MOB1B: variants seen among roughly 807,000 people sequenced by gnomAD.
MOB1B encodes the protein MOB1 Mps One Binder homolog B.
A neutral mutation model predicts 24.4 loss-of-function variants in MOB1B; 19 were observed. The ratio of observed to expected loss-of-function variants is 0.78; its 90% CI spans 0.54 to 1.14. MOB1B has a LOEUF of 1.14. Among genes scored for constraint, MOB1B ranks in the 50% most tolerant of loss-of-function variants. MOB1B has a pLI of 0.00. For synonymous variants in MOB1B, 76 were observed against 82.1 expected (o/e 0.93, Z 0.40); for missense variants, 243 against 259.6 (o/e 0.94, Z 0.44).
At chr4:70,981,862 TC>T (rs1433302072) in intron 5 of MOB1B, 117 bp from the exon 6 acceptor site, 18 of 665,692 alleles carry the variant, frequency 2.7e-5, no homozygotes, top group Non-Finnish European at 4.1e-5. Flanking sequence ...AAAAAAATAA[TC>T]TACTTTTATG....
chr4:70,974,444 G>T (rs928718044), intron 3 of MOB1B, among the ~76,000 whole-genome samples: 17 of 152,038 alleles, frequency 1.1e-4, no homozygotes, highest in African/African-American at 4.1e-4. Context: ...CTTCACTCTT[G>T]AGTCTGCGTT....
At chr4:70,976,949 C>T (rs555195178) in intron 4 of MOB1B, among the ~76,000 whole-genome samples, 7 of 151,906 alleles carry the variant, frequency 4.6e-5, no homozygotes, top group Non-Finnish European at 8.8e-5. Flanking sequence ...GATTCTTAGT[C>T]GTTAACATCT....
intron 1 of MOB1B, among the ~76,000 whole-genome samples, chr4:70,943,965 CAG>C (rs1293907026): frequency 1.3e-5 from 2 of 151,722 alleles, no homozygotes; most frequent in African/African-American, 2.4e-5. Context: ...TGAAAAAACA[CAG>C]ATCACAATTT....
At chr4:70,938,469 T>G (rs1382987427) in intron 1 of MOB1B, among the ~76,000 whole-genome samples, 1 of 152,058 alleles carries the variant, frequency 6.6e-6, no homozygotes, top group Non-Finnish European at 1.5e-5. Flanking sequence ...GTGTTAAGTA[T>G]GGTAAACTTG....
At chr4:70,960,192 A>G (rs1456481051) in intron 2 of MOB1B, among the ~76,000 whole-genome samples, 1 of 152,054 alleles carries the variant, frequency 6.6e-6, no homozygotes, top group Non-Finnish European at 1.5e-5. Flanking sequence ...AGTTGTGCTT[A>G]TTTTTTAAAA....
intron 2 of MOB1B, among the ~76,000 whole-genome samples, chr4:70,963,187 A>T (rs1738372628): frequency 6.6e-6 from 1 of 152,124 alleles, no homozygotes; most frequent in Admixed American, 6.5e-5. Context: ...GCAACATAGC[A>T]AGACCCTGTC....
chr4:70,975,129 G>A, intron 3 of MOB1B, 24 bp from the exon 4 acceptor site: 2 of 1,571,744 alleles, frequency 1.3e-6, no homozygotes, highest in Non-Finnish European at 1.7e-6. Flanking sequence ...AATCTTCTGT[G>A]TGCTTTTTAT....
chr4:70,950,609 A>C (rs1458638190), intron 1 of MOB1B: 1 of 563,336 alleles, frequency 1.8e-6, no homozygotes, highest in African/African-American at 1.9e-5. Flanking sequence ...TACTAGGATT[A>C]AATGAGATAT....
At chr4:70,942,684 T>C (rs1737398759) in intron 1 of MOB1B, 1 of 160,090 alleles carries the variant, frequency 6.2e-6, no homozygotes, top group African/African-American at 2.4e-5. Context: ...CATAGACATT[T>C]AAAGAGAAAC....
chr4:70,943,834 G>C (rs893029340), intron 1 of MOB1B, among the ~76,000 whole-genome samples: 1 of 151,838 alleles, frequency 6.6e-6, no homozygotes, highest in Non-Finnish European at 1.5e-5. Flanking sequence ...AGTGGGTAGA[G>C]ATCTAGATTT....
chr4:70,948,056 G>A (rs1737657353), intron 1 of MOB1B, among the ~76,000 whole-genome samples: 1 of 152,144 alleles, frequency 6.6e-6, no homozygotes, highest in Non-Finnish European at 1.5e-5. Flanking sequence ...ATAGTATTGT[G>A]TTGTAGTTTT....
At chr4:70,916,878 A>G (rs1176876512) in intron 1 of MOB1B, among the ~76,000 whole-genome samples, 1 of 152,108 alleles carries the variant, frequency 6.6e-6, no homozygotes, top group African/African-American at 2.4e-5. Flanking sequence ...CTACCACTGA[A>G]TTTCTATAAT....
intron 1 of MOB1B, among the ~76,000 whole-genome samples, chr4:70,924,939 C>T (rs920435440): frequency 3.3e-5 from 5 of 152,174 alleles, no homozygotes; most frequent in African/African-American, 1.2e-4. Context: ...AATTATATTT[C>T]TAATTATAGT....
intron 1 of MOB1B, among the ~76,000 whole-genome samples, chr4:70,934,384 C>T (rs934778099): frequency 6.6e-6 from 1 of 152,056 alleles, no homozygotes; most frequent in Non-Finnish European, 1.5e-5. Context: ...CTGTGCCCGG[C>T]CCCATTCTGC....
At chr4:70,938,125 CTT>C (rs1737159597) in intron 1 of MOB1B, among the ~76,000 whole-genome samples, 1 of 151,706 alleles carries the variant, frequency 6.6e-6, no homozygotes, top group Admixed American at 6.6e-5. Context: ...TCTGGTAACT[CTT>C]TTGCTTTCTG....
Position 70,964,727 on chromosome 4 carries a change from C to T in MOB1B, c.182-5204C>T, listed in dbSNP as rs572614424. Among the ~76,000 whole-genome samples, 75 of 151,936 alleles carry T rather than the reference C, an allele frequency of 4.9e-4. 1 individual carries two copies. Among genetic ancestry groups the T allele is most frequent in the African/African-American group, 3.6e-4 (15 of 41,422 alleles). On this transcript the variant is annotated intron_variant, in intron 2 of 5. Transcript: ENST00000309395. ...GGTGGATCACCTGAGGTCAGAAGTT[C>T]GGGACCAGCCTGGCCAACATGGCGA... is the stretch of plus-strand genomic sequence containing the variant.
At chr4:70,903,062 A>T (rs1735583873) in intron 1 of MOB1B, among the ~76,000 whole-genome samples, 1 of 152,086 alleles carries the variant, frequency 6.6e-6, no homozygotes, top group Non-Finnish European at 1.5e-5. Context: ...GGAAGTTGGG[A>T]TGACAAGTTC....
At chr4:70,929,424 C>T (rs1463602429) in intron 1 of MOB1B, among the ~76,000 whole-genome samples, 2 of 152,022 alleles carry the variant, frequency 1.3e-5, no homozygotes, top group Non-Finnish European at 2.9e-5. Flanking sequence ...AGTGATCTGC[C>T]CACCTTGGCC....
chr4:70,908,029 C>CTT lies in MOB1B; in HGVS notation c.14+5492_14+5493dup, dbSNP rs57209453. ...AACCATGTCTATTTCTTCGTTCTTT[C>CTT]TTTTTTTTTTTTTTGAGATGGAGTC... On this transcript the variant is annotated intron_variant, in intron 1 of 5. Coordinates refer to ENST00000309395, the MANE Select transcript of MOB1B (RefSeq NM_173468.4). 2.1e-3 allele frequency among the ~76,000 whole-genome samples: 295 copies of CTT among 141,728 alleles called. 1 individual carries two copies. Among genetic ancestry groups the CTT allele is most frequent in the African/African-American group, 7.3e-3 (283 of 38,966 alleles). The allele number at this position is 141,728 out of a possible 152,430, so 93.0% of individuals were successfully genotyped here.
Sources: gnomAD v4.1 joint callset for allele counts (sites outside exome capture counted in the v4.1 genomes callset) on GRCh38, gnomAD v4.1.1 for gene constraint, MANE v1.5 for transcripts, NCBI Gene and HGNC (gene_info 2026-07-23, HGNC 2026-07-21) for gene names.